Variants in GRM7 observed in about 807,000 individuals in gnomAD.
GRM7 encodes glutamate metabotropic receptor 7.
In GRM7, 35 loss-of-function variants were observed where a neutral mutation model predicts 84.5. That is an observed-to-expected ratio of 0.41 (90% CI 0.32 to 0.55). The LOEUF (loss-of-function observed/expected upper bound fraction) is 0.55. Among genes scored for constraint, GRM7 ranks in the 20% least tolerant of loss-of-function variants. The pLI is 0.19. For synonymous variants in GRM7, 487 were observed against 455.1 expected (o/e 1.07, Z -0.89); for missense variants, 1,003 against 1,194.6 (o/e 0.84, Z 2.36).
intron 7 of GRM7, chr3:7,559,431 C>T (rs957448404): frequency 3.9e-5 from 6 of 152,034 alleles, no homozygotes; most frequent in Admixed American, 6.5e-5. Flanking sequence ...CATAATTTCC[C>T]CCACTGTTTC....
In GRM7 at chr3:7,489,695, T is replaced by A. The variant is rs76946044; in HGVS notation, c.1515+27973T>A. On this transcript the variant is annotated intron_variant, in intron 7 of 9. Coordinates refer to ENST00000357716, the MANE Select transcript of GRM7 (RefSeq NM_000844.4). ...CATAATATTGCTTACAATACAATAT[T>A]ATACATTGATTAATTTATTAGGTAT... Among the ~76,000 whole-genome samples, 1,276 of 152,216 alleles carry A rather than the reference T, an allele frequency of 8.4e-3. 20 individuals carry two copies. Among genetic ancestry groups the A allele is most frequent in the African/African-American group, 0.029 (1,213 of 41,530 alleles).
chr3:7,332,417 A>G (rs1424869465), intron 4 of GRM7, among the ~76,000 whole-genome samples: 1 of 152,224 alleles, frequency 6.6e-6, no homozygotes, highest in Non-Finnish European at 1.5e-5. Context: ...TGAGAAAGGC[A>G]ATGAAATATA....
At chr3:6,949,461 C>T (rs895884063) in intron 1 of GRM7, among the ~76,000 whole-genome samples, 8 of 152,020 alleles carry the variant, frequency 5.3e-5, no homozygotes, top group Non-Finnish European at 5.9e-5. Context: ...GTGGGTAACC[C>T]GACCTTTCTC....
intron 2 of GRM7, among the ~76,000 whole-genome samples, chr3:7,255,011 T>A (rs1464034621): frequency 1.3e-5 from 2 of 152,232 alleles, no homozygotes; most frequent in Non-Finnish European, 2.9e-5. Flanking sequence ...TTTTGAGGGA[T>A]GAGCAAAGAT....
chr3:7,509,379 C>T (rs147639139), intron 7 of GRM7, among the ~76,000 whole-genome samples: 64 of 152,274 alleles, frequency 4.2e-4, no homozygotes, highest in Non-Finnish European at 7.1e-4. Context: ...ACATAGTAGA[C>T]ATTTGCCAAT....
chr3:7,704,543 A>C (rs1482836750), intron 9 of GRM7, among the ~76,000 whole-genome samples: 1 of 152,220 alleles, frequency 6.6e-6, no homozygotes, highest in Non-Finnish European at 1.5e-5. Flanking sequence ...TCTTTTGATA[A>C]TATGAATTAA....
At chr3:7,312,255 G>A (rs2136150) in intron 4 of GRM7, among the ~76,000 whole-genome samples, 82,644 of 151,816 alleles carry the variant, frequency 0.54, 24,455 homozygotes, top group African/African-American at 0.8. Flanking sequence ...GACACCACAT[G>A]CGGTGTCTTG....
chr3:6,933,722 C>T (rs1053002243), intron 1 of GRM7, among the ~76,000 whole-genome samples: 3 of 147,308 alleles, frequency 2.0e-5, no homozygotes, highest in Non-Finnish European at 3.0e-5. Flanking sequence ...CCAAATCTGG[C>T]GAGAAAAGAA....
chr3:7,677,427 T>G lies in GRM7; in HGVS notation c.2452-2622T>G, dbSNP rs1034043805. ...ATGCTCATTTTGCAGATACCGAAGC[T>G]GAGGAGAAGTAATTTGTCCAAGGTC... On this transcript the variant is annotated intron_variant, in intron 8 of 9. Transcript: ENST00000357716. Among the ~76,000 whole-genome samples, 35 of 152,074 alleles carry G rather than the reference T, an allele frequency of 2.3e-4. 1 individual carries two copies. Among genetic ancestry groups the G allele is most frequent in the Non-Finnish European group, 2.9e-5 (2 of 68,024 alleles).
chr3:6,900,586 T>C (rs1325729415), intron 1 of GRM7, among the ~76,000 whole-genome samples: 2 of 152,178 alleles, frequency 1.3e-5, no homozygotes, highest in Non-Finnish European at 2.9e-5. Context: ...TATTAACATC[T>C]GTTAGCTACA....
At chr3:7,489,230 C>G (rs548277080) in intron 7 of GRM7, among the ~76,000 whole-genome samples, 2 of 152,236 alleles carry the variant, frequency 1.3e-5, no homozygotes, top group South Asian at 4.1e-4. Context: ...AAAGTATTTT[C>G]TCTTCTTTTT....
intron 1 of GRM7, among the ~76,000 whole-genome samples, chr3:7,123,490 G>T (rs9815374): frequency 6.6e-6 from 1 of 151,886 alleles, no homozygotes. Flanking sequence ...GTGGTGGCTC[G>T]CGCTTGTAAT....
At chr3:7,368,822 G>A (rs372417715) in intron 4 of GRM7, among the ~76,000 whole-genome samples, 101 of 152,170 alleles carry the variant, frequency 6.6e-4, no homozygotes, top group African/African-American at 2.4e-3. Context: ...GATTCCCATC[G>A]TATCTCTAAC....
chr3:7,228,989 A>G (rs1697073667), intron 2 of GRM7, among the ~76,000 whole-genome samples: 1 of 152,222 alleles, frequency 6.6e-6, no homozygotes, highest in Non-Finnish European at 1.5e-5. Context: ...AAATGAAAAT[A>G]TCAAGCTTTT....
chr3:6,990,096 C>T (rs1489706038), intron 1 of GRM7, among the ~76,000 whole-genome samples: 1 of 152,224 alleles, frequency 6.6e-6, no homozygotes, highest in East Asian at 1.9e-4. Context: ...GGGCTGCTCA[C>T]TATTTATGCC....
At chr3:7,541,321 C>T (rs1692874075) in intron 7 of GRM7, among the ~76,000 whole-genome samples, 1 of 151,978 alleles carries the variant, frequency 6.6e-6, no homozygotes, top group African/African-American at 2.4e-5. Flanking sequence ...TGGAGCCAAA[C>T]TTATACTAAA....
At chr3:7,429,782 C>T (rs1211855096) in intron 5 of GRM7, among the ~76,000 whole-genome samples, 1 of 152,118 alleles carries the variant, frequency 6.6e-6, no homozygotes, top group Admixed American at 6.6e-5. Flanking sequence ...TGGCATCTCC[C>T]TGGCATTAAA....
chr3:7,606,364 T>C (rs981474355), intron 8 of GRM7, among the ~76,000 whole-genome samples: 9 of 152,166 alleles, frequency 5.9e-5, no homozygotes, highest in African/African-American at 2.2e-4. Flanking sequence ...AGCCTTATGG[T>C]TTTTTATACA....
At chr3:7,293,034 CAA>C (rs142561309) in intron 2 of GRM7, among the ~76,000 whole-genome samples, 8 of 120,592 alleles carry the variant, frequency 6.6e-5, no homozygotes, top group East Asian at 2.5e-4. Context: ...GACTTGGTCT[CAA>C]AAAAAAAAAA....
Sources: allele counts gnomAD v4.1 joint callset (sites outside exome capture counted in the v4.1 genomes callset), GRCh38; gene constraint gnomAD v4.1.1; transcripts MANE v1.5; gene names NCBI Gene and HGNC (gene_info 2026-07-23, HGNC 2026-07-21).